Variants in OSBPL11 observed in about 807,000 individuals in gnomAD.
OSBPL11 encodes the protein oxysterol-binding protein-related protein 11.
A neutral mutation model predicts 84.4 loss-of-function variants in OSBPL11; 33 were observed. The observed-to-expected ratio is 0.39, with a 90% CI of 0.30 to 0.52. OSBPL11 has a LOEUF of 0.52. Among genes scored for constraint, OSBPL11 ranks in the 20% least tolerant of loss-of-function variants. OSBPL11 has a pLI of 0.72. For synonymous variants in OSBPL11, 276 were observed against 310.2 expected (o/e 0.89, Z 1.16); for missense variants, 736 against 901.1 (o/e 0.82, Z 2.35).
At chr3:125,566,679 T>C (rs1437730391) in intron 6 of OSBPL11, among the ~76,000 whole-genome samples, 2 of 152,214 alleles carry the variant, frequency 1.3e-5, no homozygotes, top group African/African-American at 4.8e-5. Flanking sequence ...ATCTTATTTA[T>C]AGAAAGACTC....
At chr3:125,554,098 G>A (rs887640802) in intron 8 of OSBPL11, among the ~76,000 whole-genome samples, 2 of 152,176 alleles carry the variant, frequency 1.3e-5, no homozygotes, top group African/African-American at 2.4e-5. Context: ...TGTATGGAAA[G>A]CAATTAGATG....
rs1210643230 is a variant in OSBPL11, at chr3:125,529,126, CA to C, written c.*1388del. Reference sequence around the variant, plus strand: ...CTTATGATGATGCAACAGACACAGCCACCTACAATGGCTGATAAACAACAGG... The same window carrying C: ...CTTATGATGATGCAACAGACACAGCCCCTACAATGGCTGATAAACAACAGG... On this transcript the variant is annotated 3_prime_UTR_variant, in exon 13 of 13. Coordinates refer to ENST00000296220, the MANE Select transcript of OSBPL11 (RefSeq NM_022776.5). 1 of 152,584 alleles carries C rather than the reference CA, an allele frequency of 6.6e-6. No homozygotes were observed. Among genetic ancestry groups the C allele is most frequent in the Non-Finnish European group, 1.5e-5 (1 of 68,036 alleles). 9.5% of individuals were successfully genotyped at this position (152,584 alleles called of 1,614,324 possible). A position where few individuals can be genotyped will look rare whatever the true frequency, so the allele number is the denominator to read the frequency against.
intron 6 of OSBPL11, among the ~76,000 whole-genome samples, chr3:125,564,212 A>G (rs1936120205): frequency 6.6e-6 from 1 of 152,246 alleles, no homozygotes; most frequent in Non-Finnish European, 1.5e-5. Flanking sequence ...GCACAGCTAC[A>G]GGAGGAGTCT....
chr3:125,578,793 TG>T (rs1339988720), intron 4 of OSBPL11, among the ~76,000 whole-genome samples, 166 bp downstream of exon 4: 11 of 151,752 alleles, frequency 7.2e-5, no homozygotes, highest in Non-Finnish European at 1.2e-4. Context: ...AAAGTTACAA[TG>T]GTTGAACCAC....
intron 9 of OSBPL11, 151 bp from the exon 10 acceptor site, chr3:125,547,743 C>T: frequency 1.7e-6 from 1 of 603,082 alleles, no homozygotes. Flanking sequence ...TCATTTATAA[C>T]TATATCTGAC....
intron 11 of OSBPL11, among the ~76,000 whole-genome samples, chr3:125,534,949 TAGAAAAA>T (rs1559833524): frequency 1.7e-4 from 1 of 5,742 alleles, no homozygotes; most frequent in African/African-American, 2.3e-3. Context: ...TGTAAGAAAT[TAGAAAAA>T]AAAAAAAAAA....
intron 5 of OSBPL11, among the ~76,000 whole-genome samples, chr3:125,574,819 C>T (rs954918198): frequency 4.6e-5 from 7 of 152,088 alleles, no homozygotes; most frequent in Non-Finnish European, 7.4e-5. Flanking sequence ...ACTAATATCT[C>T]CAAAATGACT....
chr3:125,592,433 CAAA>C (rs1004974509), intron 1 of OSBPL11, among the ~76,000 whole-genome samples: 1 of 151,122 alleles, frequency 6.6e-6, no homozygotes, highest in Admixed American at 6.6e-5. Context: ...TTCTGTGTGT[CAAA>C]AAAAATGAAA....
intron 1 of OSBPL11, among the ~76,000 whole-genome samples, chr3:125,585,018 G>A (rs138943920): frequency 3.0e-4 from 46 of 152,254 alleles, no homozygotes; most frequent in African/African-American, 9.6e-4. Context: ...GGGCTCAAGC[G>A]ATCTTTCCAC....
rs1455341083 is a variant in OSBPL11 at position 125,595,453 on chromosome 3, G to A, written c.-653C>T. Among the ~76,000 whole-genome samples the A allele has an allele frequency of 6.6e-6, 1 of 152,190 alleles. No individual in the cohort carries two copies. The highest frequency in any genetic ancestry group is 1.5e-5 in the Non-Finnish European group (1 of 68,028). Reference sequence around the variant, plus strand: ...GCCCGGGCCCTCGACTGGGTTCCCAGGAGCCGGTGAGTCTCTCGCGCTATC... The same window carrying A: ...GCCCGGGCCCTCGACTGGGTTCCCAAGAGCCGGTGAGTCTCTCGCGCTATC... On this transcript the variant is annotated 5_prime_UTR_variant, in exon 1 of 13. Coordinates refer to ENST00000296220, the MANE Select transcript of OSBPL11 (RefSeq NM_022776.5).
Position 125,595,040 on chromosome 3 carries a change from C to T in OSBPL11, c.-240G>A. On this transcript the variant is annotated 5_prime_UTR_variant, in exon 1 of 13. Coordinates refer to ENST00000296220, the MANE Select transcript of OSBPL11 (RefSeq NM_022776.5). ...GATATCCTTCACATGTATCTCTCTCCTTTCCGGCAAAAGCAAGGAGGAAAA... is the reference window on the plus strand; with the variant it reads ...GATATCCTTCACATGTATCTCTCTCTTTTCCGGCAAAAGCAAGGAGGAAAA... 2.3e-6 allele frequency: 1 copy of T among 431,662 alleles called. No individual in the cohort carries two copies. The highest frequency in any genetic ancestry group is 4.2e-6 in the Non-Finnish European group (1 of 239,412). The allele number at this position is 431,662 out of a possible 1,614,324, so 26.7% of individuals were successfully genotyped here.
intron 8 of OSBPL11, among the ~76,000 whole-genome samples, chr3:125,558,522 G>A (rs1415801408): frequency 6.6e-6 from 1 of 151,902 alleles, no homozygotes; most frequent in South Asian, 2.1e-4. Flanking sequence ...TGAACAGTTC[G>A]TTGGAAACAA....
intron 4 of OSBPL11, among the ~76,000 whole-genome samples, chr3:125,578,141 T>A (rs768169953): frequency 3.4e-4 from 51 of 152,150 alleles, no homozygotes; most frequent in Admixed American, 2.0e-3. Flanking sequence ...CACCAATTGA[T>A]GGATTAAAAA....
chr3:125,560,367 G>A lies in OSBPL11; in HGVS notation c.1155+12C>T, dbSNP rs867138504. 1 of 1,525,880 alleles carries A rather than the reference G, an allele frequency of 6.6e-7. No homozygotes were observed. Among genetic ancestry groups the A allele is most frequent in the Middle Eastern group, 1.7e-4 (1 of 5,768 alleles). The allele number at this position is 1,525,880 out of a possible 1,614,324, so 94.5% of individuals were successfully genotyped here. A position where few individuals can be genotyped will look rare whatever the true frequency, so the allele number is the denominator to read the frequency against. The stretch of plus-strand genomic sequence containing the variant: ...TTAACAATCTCCATAGCCAGCTTAT[G>A]CCATTACTTACTCTTGTTAAATCCA... On this transcript the variant is annotated intron_variant, in intron 8 of 12. Transcript: ENST00000296220.
In OSBPL11 at chr3:125,560,820, T is replaced by A. The variant is rs1199221281; in HGVS notation, c.1015-301A>T. Among the ~76,000 whole-genome samples, 3 of 152,188 alleles carry A rather than the reference T, an allele frequency of 2.0e-5. No individual in the cohort carries two copies. The East Asian group carries it at 5.8e-4, about 29-fold the overall frequency. Reference sequence around the variant, plus strand: ...AGAGTGAAGAATGTCTCCTCCAGCCTCCAGAGTCGCTGGGATTACAGGCAT... The same window carrying A: ...AGAGTGAAGAATGTCTCCTCCAGCCACCAGAGTCGCTGGGATTACAGGCAT... On this transcript the variant is annotated intron_variant, in intron 7 of 12. Coordinates refer to ENST00000296220, the MANE Select transcript of OSBPL11 (RefSeq NM_022776.5).
At chr3:125,572,857 TTATATATTTATA>T (rs1447664309) in intron 5 of OSBPL11, among the ~76,000 whole-genome samples, 4 of 145,714 alleles carry the variant, frequency 2.7e-5, no homozygotes, top group African/African-American at 1.0e-4. Flanking sequence ...TTATATATAT[TTATATATTTATA>T]TATATATTTT....
rs1336662945 is a variant in OSBPL11 at position 125,576,097 on chromosome 3, G to A, written c.666+92C>T. On this transcript the variant is annotated intron_variant, in intron 5 of 12. Coordinates refer to ENST00000296220, the MANE Select transcript of OSBPL11 (RefSeq NM_022776.5). ...TAGATAGGAAACAATGAAGGCCCTT[G>A]AAGACACAAACAGTATTTAAGTTTT... The A allele has an allele frequency of 4.3e-6, 5 of 1,152,792 alleles. No individual in the cohort carries two copies. The East Asian group carries it at 1.2e-4, about 29-fold the overall frequency. The allele number at this position is 1,152,792 out of a possible 1,614,324, so 71.4% of individuals were successfully genotyped here.
At chr3:125,562,001 C>T (rs1936086121) in intron 7 of OSBPL11, among the ~76,000 whole-genome samples, 1 of 152,174 alleles carries the variant, frequency 6.6e-6, no homozygotes, top group African/African-American at 2.4e-5. Context: ...AATAAACACA[C>T]ATGCCTTAGG....
chr3:125,550,249 C>A (rs1162395655), intron 9 of OSBPL11, among the ~76,000 whole-genome samples: 1 of 151,568 alleles, frequency 6.6e-6, no homozygotes, highest in Non-Finnish European at 1.5e-5. Context: ...GTGGCGCACG[C>A]CTGTAATCCC....
Sources: gnomAD v4.1 joint callset for allele counts (sites outside exome capture counted in the v4.1 genomes callset) on GRCh38, gnomAD v4.1.1 for gene constraint, MANE v1.5 for transcripts, NCBI Gene and HGNC (gene_info 2026-07-23, HGNC 2026-07-21) for gene names.